Variants in MED13L observed in about 807,000 individuals in gnomAD.
MED13L encodes mediator complex subunit 13L.
A neutral mutation model predicts 220.9 loss-of-function variants in MED13L; 7 were observed. The ratio of observed to expected loss-of-function variants is 0.03; its 90% CI spans 0.02 to 0.06. The LOEUF is 0.06. Among genes scored for constraint, MED13L ranks in the 10% least tolerant of loss-of-function variants. The probability of loss-of-function intolerance (pLI) is 1.00; values close to 1 mark genes in which losing one functional copy is unlikely to be tolerated. For missense variants in MED13L, 1,965 were observed against 2,760.5 expected (o/e 0.71, Z 6.46); for synonymous variants, 1,011 against 1,015.2 (o/e 1.00, Z 0.08).
intron 2 of MED13L, among the ~76,000 whole-genome samples, chr12:116,205,431 T>C (rs1882248714): frequency 2.0e-5 from 3 of 149,154 alleles, no homozygotes; most frequent in African/African-American, 7.4e-5. Flanking sequence ...TATTAGAAGA[T>C]TCCTTCCCTC....
chr12:116,130,301 T>C (rs1185069795), intron 2 of MED13L, among the ~76,000 whole-genome samples: 3 of 152,166 alleles, frequency 2.0e-5, no homozygotes, highest in Non-Finnish European at 2.9e-5. Context: ...ACTCTCCAGA[T>C]TGTGCAGCTT....
At chr12:116,218,271 G>A (rs1883117854) in intron 2 of MED13L, among the ~76,000 whole-genome samples, 1 of 152,056 alleles carries the variant, frequency 6.6e-6, no homozygotes, top group Non-Finnish European at 1.5e-5. Flanking sequence ...TAGCTCTCAA[G>A]AATATCCAAT....
At chr12:116,192,917 G>A (rs1881372005) in intron 2 of MED13L, among the ~76,000 whole-genome samples, 3 of 152,144 alleles carry the variant, frequency 2.0e-5, no homozygotes, top group Admixed American at 6.5e-5. Flanking sequence ...CAGATCACCA[G>A]GTCAGGAAAT....
At chr12:116,148,864 G>C (rs1041207975) in intron 2 of MED13L, among the ~76,000 whole-genome samples, 2 of 151,996 alleles carry the variant, frequency 1.3e-5, no homozygotes, top group Non-Finnish European at 1.5e-5. Flanking sequence ...CTGTTCCTCA[G>C]TATTGCCTTC....
intron 10 of MED13L, chr12:116,007,923 A>C (rs1204123170): frequency 2.3e-6 from 1 of 434,402 alleles, no homozygotes; most frequent in African/African-American, 2.0e-5. Context: ...TCAGTTATAA[A>C]ATTAACGTAA....
intron 4 of MED13L, among the ~76,000 whole-genome samples, chr12:116,058,689 T>A (rs976254812): frequency 6.6e-6 from 1 of 152,182 alleles, no homozygotes; most frequent in Non-Finnish European, 1.5e-5. Context: ...AGAAAGAGAA[T>A]ACCAGTCAAT....
At chr12:116,268,208 TGTG>T (rs1872984688) in intron 1 of MED13L, among the ~76,000 whole-genome samples, 1 of 152,174 alleles carries the variant, frequency 6.6e-6, no homozygotes, top group Non-Finnish European at 1.5e-5. Flanking sequence ...TAGTTCTGCC[TGTG>T]GTGGTCAGAG....
chr12:116,090,610 A>C (rs1169052926), intron 4 of MED13L, among the ~76,000 whole-genome samples: 1 of 152,004 alleles, frequency 6.6e-6, no homozygotes, highest in African/African-American at 2.4e-5. Context: ...AGAGAATCAG[A>C]AAGCTAAAAG....
intron 4 of MED13L, among the ~76,000 whole-genome samples, chr12:116,093,948 C>T (rs1474198437): frequency 6.6e-6 from 1 of 152,124 alleles, no homozygotes; most frequent in African/African-American, 2.4e-5. Flanking sequence ...TTAATCTTCA[C>T]TATAACCCTC....
At chr12:116,171,389 T>C (rs1241167800) in intron 2 of MED13L, among the ~76,000 whole-genome samples, 1 of 152,230 alleles carries the variant, frequency 6.6e-6, no homozygotes, top group African/African-American at 2.4e-5. Context: ...TGGAGTTAAA[T>C]ACTTCACCTA....
intron 16 of MED13L, among the ~76,000 whole-genome samples, chr12:115,992,996 C>A (rs1198540305): frequency 1.3e-5 from 2 of 149,790 alleles, no homozygotes; most frequent in Non-Finnish European, 3.0e-5. Flanking sequence ...AATAAAAATA[C>A]AATTAAAAAA....
At position 116,012,895 on chromosome 12, in the gene MED13L, G is replaced by A. The variant is rs1205450003; in HGVS notation, c.1182C>T (p.Ser394=). Residue 394 remains serine (S), a synonymous_variant, in exon 9 of 31, where the codon AGC becomes AGT. Coordinates refer to ENST00000281928, the MANE Select transcript of MED13L (RefSeq NM_015335.5). The part of the protein sequence containing the change: ...CILNRTQSKR[S]QMSTPTLEEE... ...CTTCAAGAGTTGGAGTTGACATTTG[G>A]CTCCTCCTAAAAGGGTTAAAAATGT... 4 of 1,612,172 alleles carry A rather than the reference G, an allele frequency of 2.5e-6. No homozygotes were observed. In the African/African-American group the frequency reaches 5.3e-5, roughly 22 times the overall value.
chr12:116,026,429 T>C (rs1592960760), intron 4 of MED13L, among the ~76,000 whole-genome samples: 1 of 152,178 alleles, frequency 6.6e-6, no homozygotes, highest in Non-Finnish European at 1.5e-5. Flanking sequence ...AGTGGAAATA[T>C]AACAGAAGCC....
intron 4 of MED13L, among the ~76,000 whole-genome samples, chr12:116,083,920 T>C (rs1025534793): frequency 1.3e-5 from 2 of 152,182 alleles, no homozygotes; most frequent in African/African-American, 4.8e-5. Flanking sequence ...ATATACAGGA[T>C]GCCAATGTCT....
intron 4 of MED13L, among the ~76,000 whole-genome samples, chr12:116,025,516 G>A (rs1343740509): frequency 6.6e-6 from 1 of 152,058 alleles, no homozygotes; most frequent in Admixed American, 6.5e-5. Flanking sequence ...AAGAAAATGT[G>A]GTATATAATA....
intron 1 of MED13L, among the ~76,000 whole-genome samples, chr12:116,240,610 G>C (rs925663499): frequency 6.6e-6 from 1 of 151,298 alleles, no homozygotes; most frequent in Admixed American, 6.6e-5. Flanking sequence ...TCGGCTCACA[G>C]CAAGTTCCGC....
intron 4 of MED13L, among the ~76,000 whole-genome samples, chr12:116,055,531 G>T (rs942925069): frequency 6.6e-6 from 1 of 152,132 alleles, no homozygotes; most frequent in Non-Finnish European, 1.5e-5. Context: ...TTTAACAATG[G>T]TTTCACAACC....
chr12:116,254,746 ACT>A (rs953450839), intron 1 of MED13L, among the ~76,000 whole-genome samples: 14 of 150,846 alleles, frequency 9.3e-5, no homozygotes, highest in African/African-American at 3.4e-4. Flanking sequence ...ACAGAGTGAG[ACT>A]CTGTGTCCAA....
intron 4 of MED13L, among the ~76,000 whole-genome samples, chr12:116,079,177 A>AT (rs1385086235): frequency 3.9e-5 from 6 of 152,164 alleles, no homozygotes; most frequent in African/African-American, 1.4e-4. Context: ...TATTATTACT[A>AT]TTTTAAAAGT....
Sources: gnomAD v4.1 joint callset for allele counts (sites outside exome capture counted in the v4.1 genomes callset) on GRCh38, gnomAD v4.1.1 for gene constraint, MANE v1.5 for transcripts, NCBI Gene and HGNC (gene_info 2026-07-23, HGNC 2026-07-21) for gene names.